WDR81: variants seen among roughly 807,000 people sequenced by gnomAD.
WDR81 encodes WD repeat-containing protein 81.
In WDR81, 92 loss-of-function variants were observed where a neutral mutation model predicts 140.8. That is an observed-to-expected ratio of 0.65 (90% CI 0.55 to 0.78). WDR81 has a LOEUF of 0.78. Ranked by LOEUF, WDR81 falls within the 30% of genes least tolerant of loss-of-function variation. The probability of loss-of-function intolerance (pLI) is 0.00; values close to 1 mark genes in which losing one functional copy is unlikely to be tolerated. For synonymous variants in WDR81, 1,183 were observed against 1,156.4 expected, an observed-to-expected ratio of 1.02 and a Z score of -0.47; for missense variants, 2,502 against 2,636.4, an observed-to-expected ratio of 0.95 and a Z score of 1.12.
Position 1,735,625 on chromosome 17 carries a change from G to A in WDR81, c.5233G>A (p.Val1745Met). 6.2e-7 allele frequency: 1 copy of A among 1,612,862 alleles called. No individual in the cohort carries two copies. Among genetic ancestry groups the A allele is most frequent in the Non-Finnish European group, 8.5e-7 (1 of 1,179,936 alleles). Residue 1745 changes from valine to methionine, a missense_variant, in exon 8 of 10, where the codon GTG (valine) becomes ATG (methionine). Physicochemically the swap from Val to Met is conservative, Grantham distance 21. Coordinates refer to ENST00000409644, the MANE Select transcript of WDR81 (RefSeq NM_001163809.2). This position sits in a 1 kb window ranked among gnomAD's most constrained non-coding sequence, Gnocchi z 4.2. The stretch of plus-strand genomic sequence containing the variant: ...GGACAGCCGGGTGCCCCTGACTGCG[G>A]TGGCTGTCATGCCCGCCCCCCACAC... The part of the protein sequence containing the change: ...PLDSRVPLTA[V>M]AVMPAPHTSI...
Position 1,735,914 on chromosome 17 carries a change from T to G in WDR81, c.5326-125T>G. The G allele has an allele frequency of 7.0e-7, 1 of 1,422,550 alleles. No individual in the cohort carries two copies. Among genetic ancestry groups the G allele is most frequent in the Non-Finnish European group, 9.3e-7 (1 of 1,071,240 alleles). The allele number at this position is 1,422,550 out of a possible 1,614,324, so 88.1% of individuals were successfully genotyped here. On this transcript the variant is annotated intron_variant, in intron 8 of 9. Coordinates refer to ENST00000409644, the MANE Select transcript of WDR81 (RefSeq NM_001163809.2). This position sits in a 1 kb window ranked among gnomAD's most constrained non-coding sequence, Gnocchi z 4.2. Reference sequence around the variant, plus strand: ...TGATGGGGGTGGGGTTCTGGGCTTTTCATGCCCCCTGATGAGGGTCAGAGG... The same window carrying G: ...TGATGGGGGTGGGGTTCTGGGCTTTGCATGCCCCCTGATGAGGGTCAGAGG...
chr17:1,720,885 G>A (rs562226044), upstream of WDR81, among the ~76,000 whole-genome samples: 2 of 152,144 alleles, frequency 1.3e-5, no homozygotes, highest in Admixed American at 6.6e-5. Context: ...ATATTGCTAG[G>A]ACATCTCTAT....
At chr17:1,722,978 C>T (rs146628698), upstream of WDR81, among the ~76,000 whole-genome samples, 17 of 152,294 alleles carry the variant, frequency 1.1e-4, no homozygotes, top group East Asian at 3.3e-3. Flanking sequence ...CAGGTGTGAA[C>T]CACCGTGACC....
At chr17:1,722,293 G>A (rs371474133), upstream of WDR81, among the ~76,000 whole-genome samples, 26 of 151,872 alleles carry the variant, frequency 1.7e-4, no homozygotes, top group East Asian at 1.9e-3. Flanking sequence ...ACCCTTCAAG[G>A]AAGAGGAGAC....
At chr17:1,718,646 G>T (rs1258598342) in intron 1 of WDR81, among the ~76,000 whole-genome samples, 5 of 152,252 alleles carry the variant, frequency 3.3e-5, no homozygotes, top group African/African-American at 4.8e-5. Flanking sequence ...TTGGGAGTCA[G>T]GGTCACTCCA....
At position 1,725,037 on chromosome 17, in the gene WDR81, C is replaced by G. The variant is rs1416897410; in HGVS notation, c.78C>G (p.Asp26Glu). Residue 26 changes from aspartate (D) to glutamate (E), a missense_variant, in exon 1 of 10, where the codon GAC (aspartate) becomes GAG (glutamate). Around this residue, in one of 3 missense-constraint regions of WDR81, gnomAD observed 547 missense variants for 513.8 expected, o/e 1.06. Coordinates refer to ENST00000409644, the MANE Select transcript of WDR81 (RefSeq NM_001163809.2). ...AGGWHSPPSP[D>E]MQELLRSVER... ...GCTGGCATTCCCCGCCAAGCCCAGA[C>G]ATGCAGGAGCTGCTCCGGAGCGTGG... is the stretch of plus-strand genomic sequence containing the variant. 5 of 1,472,270 alleles carry G rather than the reference C, an allele frequency of 3.4e-6. No homozygotes were observed. The highest frequency in any genetic ancestry group is 3.6e-6 in the Non-Finnish European group (4 of 1,114,750). 91.2% of individuals were successfully genotyped at this position (1,472,270 alleles called of 1,614,324 possible).
Position 1,728,541 on chromosome 17 carries a change from G to A in WDR81, c.3582G>A (p.Val1194=). ...SDTVLSMETV[V]AGGSGGDGEE... ...CGGTGCTGTCCATGGAGACGGTTGTGGCCGGCGGCAGTGGGGGAGATGGAG... is the reference window on the plus strand; with the variant it reads ...CGGTGCTGTCCATGGAGACGGTTGTAGCCGGCGGCAGTGGGGGAGATGGAG... The change falls in exon 1 of 10, where the codon GTG becomes GTA. Residue 1194 remains valine, a synonymous_variant. Transcript: ENST00000409644. The A allele has an allele frequency of 6.5e-7, 1 of 1,545,020 alleles. No homozygotes were observed. The highest frequency in any genetic ancestry group is 8.8e-7 in the Non-Finnish European group (1 of 1,140,232).
chr17:1,727,116 T>C lies in WDR81; in HGVS notation c.2157T>C (p.Ile719=). ...CTGGGGAGGGTGAGGAGGGGAGGAT[T>C]CTTCTTCCCGAGGGCTTCAATCCCA... is the stretch of plus-strand genomic sequence containing the variant. ...ADPGEGEEGR[I]LLPEGFNPMQ... is the part of the protein sequence containing the mutation. The change falls in exon 1 of 10, where the codon ATT becomes ATC. Residue 719 remains isoleucine, a synonymous_variant. Coordinates refer to ENST00000409644, the MANE Select transcript of WDR81 (RefSeq NM_001163809.2). 6.5e-7 allele frequency: 1 copy of C among 1,546,974 alleles called. No individual in the cohort carries two copies. The highest frequency in any genetic ancestry group is 8.7e-7 in the Non-Finnish European group (1 of 1,144,576).
chr17:1,732,045 C>T (rs1276892604), intron 4 of WDR81, among the ~76,000 whole-genome samples: 2 of 151,952 alleles, frequency 1.3e-5, no homozygotes, highest in East Asian at 3.9e-4. Flanking sequence ...ACCAGCCTGG[C>T]CAATATGGCA....
Position 1,728,208 on chromosome 17 carries a change from G to C in WDR81, c.3249G>C (p.Glu1083Asp), listed in dbSNP as rs765124429. 6.2e-7 allele frequency: 1 copy of C among 1,605,486 alleles called. No homozygotes were observed. Among genetic ancestry groups the C allele is most frequent in the Non-Finnish European group, 8.5e-7 (1 of 1,174,290 alleles). Reference protein sequence around the residue: ...FHDQADLPETEDFQAGLYVTE... With the variant: ...FHDQADLPETDDFQAGLYVTE... ...ACCAGGCTGACCTCCCTGAGACAGA[G>C]GACTTCCAAGCCGGGCTCTATGTGA... The change falls in exon 1 of 10, where the codon GAG becomes GAC. Residue 1083 changes from glutamate to aspartate, a missense_variant. Around this residue, in one of 3 missense-constraint regions of WDR81, gnomAD observed 1,737 missense variants for 1,843.0 expected, o/e 0.94. Transcript: ENST00000409644.
chr17:1,722,144 A>T (rs1914899538), upstream of WDR81, among the ~76,000 whole-genome samples: 1 of 152,070 alleles, frequency 6.6e-6, no homozygotes, highest in Admixed American at 6.6e-5. Context: ...ATCTTCTTAA[A>T]AGGGGTGGTG....
Position 1,730,918 on chromosome 17 carries a change from C to G in WDR81, c.3939C>G (p.Tyr1313Ter). ...ARLYGEPVLT[Y>*]QYLPYISYLV... ...TGTATGGGGAGCCTGTCCTCACCTA[C>G]CAGTACCTGCCCTACATCAGCTACC... The change falls in exon 3 of 10, where the codon TAC (tyrosine) becomes TAG (stop). Residue 1313 changes from tyrosine to a stop codon, truncating the protein, a stop_gained. Transcript: ENST00000409644. LOFTEE classifies it high-confidence loss of function. 3 of 1,613,306 alleles carry G rather than the reference C, an allele frequency of 1.9e-6. No individual in the cohort carries two copies. Among genetic ancestry groups the G allele is most frequent in the Non-Finnish European group, 1.7e-6 (2 of 1,179,958 alleles).
upstream of WDR81, among the ~76,000 whole-genome samples, chr17:1,720,236 A>G (rs116872176): frequency 6.6e-6 from 1 of 152,148 alleles, no homozygotes; most frequent in African/African-American, 2.4e-5. Context: ...ACCTCCCGGA[A>G]ACCCAATACT....
chr17:1,736,985 C>T (rs1904923690), intron 9 of WDR81, among the ~76,000 whole-genome samples: 1 of 152,210 alleles, frequency 6.6e-6, no homozygotes, highest in South Asian at 2.1e-4. Context: ...GTGTTAATCC[C>T]AGCTCTGCTG....
At chr17:1,718,272 C>T (rs544097588) in intron 1 of WDR81, among the ~76,000 whole-genome samples, 23 of 152,296 alleles carry the variant, frequency 1.5e-4, no homozygotes, top group African/African-American at 5.5e-4. Flanking sequence ...CGTGCGCTAC[C>T]ACTCCCAGCT....
At chr17:1,720,767 GA>G (rs34403956), upstream of WDR81, among the ~76,000 whole-genome samples, 34,613 of 125,748 alleles carry the variant, frequency 0.28, 3,961 homozygotes, top group South Asian at 0.37. Context: ...TCCGTATCAA[GA>G]AAAAAAAAAA....
At position 1,737,644 on chromosome 17, in the gene WDR81, C is replaced by T. The variant is rs766710375; in HGVS notation, c.5785C>T (p.Leu1929=). The T allele has an allele frequency of 3.7e-6, 6 of 1,612,200 alleles. No individual in the cohort carries two copies. The highest frequency in any genetic ancestry group is 1.3e-5 in the African/African-American group (1 of 74,952). ...LALLPTKRHL[L]LGSDNGVIRL... ...CTTGCTGCCCACTAAACGCCACCTCCTGCTGGGCTCAGACAACGGGGTTAT... is the reference window on the plus strand; with the variant it reads ...CTTGCTGCCCACTAAACGCCACCTCTTGCTGGGCTCAGACAACGGGGTTAT... The change falls in exon 10 of 10, where the codon CTG becomes TTG. Residue 1929 remains leucine (L), a synonymous_variant. Coordinates refer to ENST00000409644, the MANE Select transcript of WDR81 (RefSeq NM_001163809.2).
In WDR81 at chr17:1,725,408, T is replaced by C. The variant is rs1788247655; in HGVS notation, c.449T>C (p.Leu150Pro). The C allele has an allele frequency of 1.7e-5, 27 of 1,549,516 alleles. No homozygotes were observed. Among genetic ancestry groups the C allele is most frequent in the Middle Eastern group, 1.7e-4 (1 of 6,014 alleles). The change falls in exon 1 of 10, where the codon CTG (leucine) becomes CCG (proline). Residue 150 changes from leucine to proline, a missense_variant. Physicochemically the swap from Leu to Pro is moderately conservative, Grantham distance 98. Transcript: ENST00000409644. ...QEVAAQNYRN[L>P]WRHAYHTYGQ... ...GTTGCCGCCCAGAATTATCGCAACC[T>C]GTGGCGCCATGCATACCACACTTAC...
intron 5 of WDR81, 34 bp downstream of exon 5, chr17:1,732,524 G>A (rs748196840): frequency 9.3e-6 from 15 of 1,604,576 alleles, no homozygotes; most frequent in Non-Finnish European, 1.1e-5. Flanking sequence ...GCGGGCTGGG[G>A]CGGGGGCTGT....
Sources: gnomAD v4.1 joint callset for allele counts (sites outside exome capture counted in the v4.1 genomes callset) on GRCh38, gnomAD v4.1.1 for gene constraint, gnomAD v4.1.1 regional missense constraint, Gnocchi (gnomAD v3.1) non-coding constraint, MANE v1.5 for transcripts, NCBI Gene and HGNC (gene_info 2026-07-23, HGNC 2026-07-21) for gene names.